Variants in SPSB1 observed in about 807,000 individuals in gnomAD.
SPSB1 encodes splA/ryanodine receptor domain and SOCS box containing 1.
In SPSB1, 8 loss-of-function variants were observed where a neutral mutation model predicts 21.2. The observed-to-expected ratio is 0.38, with a 90% CI of 0.22 to 0.68. The LOEUF (loss-of-function observed/expected upper bound fraction) is 0.68. Among genes scored for constraint, SPSB1 ranks in the 30% least tolerant of loss-of-function variants. The pLI is 0.53. For missense variants in SPSB1, 242 were observed against 377.8 expected (o/e 0.64, Z 2.98); for synonymous variants, 169 against 161.7 (o/e 1.05, Z -0.34).
intron 1 of SPSB1, among the ~76,000 whole-genome samples, chr1:9,332,569 G>A (rs980428609): frequency 2.6e-5 from 4 of 152,188 alleles, no homozygotes; most frequent in African/African-American, 7.2e-5. Context: ...ACTCCCTGGA[G>A]CCATGAGAGC....
intron 1 of SPSB1, among the ~76,000 whole-genome samples, chr1:9,336,117 G>T (rs1569619162): frequency 6.6e-6 from 1 of 152,196 alleles, no homozygotes; most frequent in Admixed American, 6.5e-5. Flanking sequence ...GTCTCTGTAG[G>T]TGGAAAGTGA....
rs1189976800 is a variant in SPSB1, at chr1:9,323,366, G to A, written c.-150+30295G>A. ...GGATGTGCCCTCCATGGAGTCACTG[G>A]GGACTTTCCATGTCTCCCCCTGGCT... is the stretch of plus-strand genomic sequence containing the variant. On this transcript the variant is annotated intron_variant, in intron 1 of 2. Coordinates refer to ENST00000328089, the MANE Select transcript of SPSB1 (RefSeq NM_025106.4). Among the ~76,000 whole-genome samples the A allele has an allele frequency of 2.0e-5, 3 of 152,310 alleles. No homozygotes were observed. In the East Asian group the frequency reaches 5.8e-4, roughly 29 times the overall value.
At chr1:9,318,297 C>G (rs1639647562) in intron 1 of SPSB1, among the ~76,000 whole-genome samples, 1 of 152,248 alleles carries the variant, frequency 6.6e-6, no homozygotes, top group African/African-American at 2.4e-5. Context: ...ACCCACGCCT[C>G]CCTTGCTGGT....
chr1:9,357,112 AGT>A (rs1491434273), intron 2 of SPSB1, among the ~76,000 whole-genome samples: 1 of 85,556 alleles, frequency 1.2e-5, no homozygotes, highest in Non-Finnish European at 2.5e-5. Context: ...TGGATGGATG[AGT>A]GGATGGATGG....
At chr1:9,343,904 G>A (rs2100503942) in intron 1 of SPSB1, among the ~76,000 whole-genome samples, 1 of 152,212 alleles carries the variant, frequency 6.6e-6, no homozygotes, top group East Asian at 1.9e-4. Context: ...TCCTGCCTCA[G>A]CCTCCCAAGT....
chr1:9,365,578 G>A (rs1272065913), intron 2 of SPSB1, among the ~76,000 whole-genome samples: 3 of 152,034 alleles, frequency 2.0e-5, no homozygotes, highest in Admixed American at 6.5e-5. Flanking sequence ...TGAGATGTAG[G>A]AAACAATTTT....
intron 1 of SPSB1, among the ~76,000 whole-genome samples, chr1:9,312,785 TGCAAGTGGC>T (rs1053273035): frequency 6.6e-6 from 1 of 152,208 alleles, no homozygotes; most frequent in Non-Finnish European, 1.5e-5. Flanking sequence ...TCAGTCTTAT[TGCAAGTGGC>T]GCAGTTTTGG....
At chr1:9,318,032 G>A (rs71641087) in intron 1 of SPSB1, among the ~76,000 whole-genome samples, 6 of 152,218 alleles carry the variant, frequency 3.9e-5, no homozygotes, top group Non-Finnish European at 7.3e-5. Context: ...GTGGGGAGAG[G>A]AAGCAGCTGC....
chr1:9,332,048 T>G (rs1639930559), intron 1 of SPSB1, among the ~76,000 whole-genome samples: 1 of 152,154 alleles, frequency 6.6e-6, no homozygotes, highest in South Asian at 2.1e-4. Context: ...TTACAGATTT[T>G]CAAAATTTAA....
At chr1:9,313,360 A>G (rs886349393) in intron 1 of SPSB1, among the ~76,000 whole-genome samples, 1 of 152,194 alleles carries the variant, frequency 6.6e-6, no homozygotes. Flanking sequence ...AGATTGCACC[A>G]CTGCACTCCA....
intron 1 of SPSB1, among the ~76,000 whole-genome samples, chr1:9,320,307 G>A (rs941778109): frequency 1.3e-5 from 2 of 152,186 alleles, no homozygotes; most frequent in African/African-American, 4.8e-5. Context: ...CTCTTGGGCC[G>A]GGACTGTCCT....
chr1:9,367,352 G>A lies in SPSB1; in HGVS notation c.695-96G>A. On this transcript the variant is annotated intron_variant, in intron 2 of 2. Coordinates refer to ENST00000328089, the MANE Select transcript of SPSB1 (RefSeq NM_025106.4). This position sits in a 1 kb window ranked among gnomAD's most constrained non-coding sequence, Gnocchi z 5.9. ...TCATTGTTTCTTTACTGATTTGAGT[G>A]AATACTAATCAGTGATAATATTGCT... is the stretch of plus-strand genomic sequence containing the variant. 1.3e-6 allele frequency: 2 copies of A among 1,566,144 alleles called. No individual in the cohort carries two copies. The highest frequency in any genetic ancestry group is 2.2e-5 in the South Asian group (2 of 89,502).
intron 2 of SPSB1, among the ~76,000 whole-genome samples, chr1:9,357,506 C>G (rs1640392522): frequency 6.6e-6 from 1 of 152,176 alleles, no homozygotes; most frequent in Non-Finnish European, 1.5e-5. Flanking sequence ...ATACTAGGGC[C>G]TCTCCGGTAA....
At chr1:9,331,094 G>A (rs760081283) in intron 1 of SPSB1, among the ~76,000 whole-genome samples, 29 of 151,916 alleles carry the variant, frequency 1.9e-4, no homozygotes, top group Non-Finnish European at 3.4e-4. Context: ...ATATTCTGTC[G>A]TGCTCTCCCC....
chr1:9,315,628 A>C (rs72858166), intron 1 of SPSB1, among the ~76,000 whole-genome samples: 79 of 152,332 alleles, frequency 5.2e-4, no homozygotes, highest in African/African-American at 1.8e-3. Context: ...GCCTGATGCC[A>C]GTGACCTTGC....
rs566640547 is a variant in SPSB1 at position 9,325,189 on chromosome 1, T to C, written c.-149-30554T>C. On this transcript the variant is annotated intron_variant, in intron 1 of 2. Transcript: ENST00000328089. ...GCTGGGCATCCAAGAAGACCTGTAC[T>C]CCGCCCTCCGGCCTGAGCCAATGCC... 1.5e-4 allele frequency among the ~76,000 whole-genome samples: 22 copies of C among 146,814 alleles called. 1 individual carries two copies. The highest frequency in any genetic ancestry group is 1.3e-3 in the Admixed American group (19 of 14,208).
chr1:9,350,980 C>T (rs1026048717), intron 1 of SPSB1, among the ~76,000 whole-genome samples: 1 of 152,216 alleles, frequency 6.6e-6, no homozygotes, highest in Non-Finnish European at 1.5e-5. Flanking sequence ...AGGAGCCATC[C>T]AGGCACCTGT....
intron 1 of SPSB1, among the ~76,000 whole-genome samples, chr1:9,308,538 G>A (rs2100467862): frequency 6.6e-6 from 1 of 152,338 alleles, no homozygotes. Flanking sequence ...CCATGCTGGG[G>A]CCGGCATTTA....
chr1:9,309,230 A>C (rs563799202), intron 1 of SPSB1, among the ~76,000 whole-genome samples: 1,898 of 150,794 alleles, frequency 0.013, 44 homozygotes, highest in African/African-American at 0.044. Flanking sequence ...GATAAGCTAG[A>C]TCCCCCCTCA....
Sources: gnomAD v4.1 joint callset for allele counts (sites outside exome capture counted in the v4.1 genomes callset) on GRCh38, gnomAD v4.1.1 for gene constraint, Gnocchi (gnomAD v3.1) non-coding constraint, MANE v1.5 for transcripts, NCBI Gene and HGNC (gene_info 2026-07-23, HGNC 2026-07-21) for gene names.